The following CNTNAP2 variants were observed in gnomAD, a reference collection of about 807,000 sequenced individuals.
CNTNAP2 encodes the protein contactin associated protein 2.
CNTNAP2 carries 98 observed loss-of-function variants against 155.2 expected under a neutral mutation model. The ratio of observed to expected loss-of-function variants is 0.63; its 90% CI spans 0.54 to 0.75. The LOEUF is 0.75. Ranked by LOEUF, CNTNAP2 falls within the 30% of genes least tolerant of loss-of-function variation. The pLI is 0.00. For missense variants in CNTNAP2, 1,727 were observed against 1,688.1 expected (o/e 1.02, Z -0.40); for synonymous variants, 651 against 631.2 (o/e 1.03, Z -0.47).
chr7:147,459,222 T>C (rs1284814938), intron 10 of CNTNAP2, among the ~76,000 whole-genome samples: 1 of 152,188 alleles, frequency 6.6e-6, no homozygotes. Flanking sequence ...TATTTGCATT[T>C]GGTTAGTGGG....
At chr7:147,876,163 CGTGA>C (rs553378718) in intron 13 of CNTNAP2, among the ~76,000 whole-genome samples, 8 of 152,292 alleles carry the variant, frequency 5.3e-5, no homozygotes, top group Non-Finnish European at 1.2e-4. Context: ...CCTTCGAATG[CGTGA>C]GTGTCTCTCC....
At chr7:147,916,226 G>A (rs2116771888) in intron 14 of CNTNAP2, among the ~76,000 whole-genome samples, 1 of 152,230 alleles carries the variant, frequency 6.6e-6, no homozygotes, top group Middle Eastern at 3.4e-3. Context: ...GTCTCTCCCA[G>A]TTCCCCAAAG....
intron 1 of CNTNAP2, among the ~76,000 whole-genome samples, chr7:146,596,561 C>A (rs1255442218): frequency 1.4e-5 from 2 of 148,104 alleles, no homozygotes; most frequent in African/African-American, 2.5e-5. Context: ...ATTCACCCCC[C>A]CAGCCTCCAA....
intron 1 of CNTNAP2, among the ~76,000 whole-genome samples, chr7:146,301,447 AC>A (rs756689225): frequency 6.6e-6 from 1 of 151,608 alleles, no homozygotes; most frequent in African/African-American, 2.4e-5. Flanking sequence ...ACATGGTGAA[AC>A]CCCATCTCTA....
Position 147,806,764 on chromosome 7 carries a change from CA to C in CNTNAP2, c.2099-96800del, listed in dbSNP as rs546197247. 2.1e-4 allele frequency among the ~76,000 whole-genome samples: 32 copies of C among 152,208 alleles called. No individual in the cohort carries two copies. In the South Asian group the frequency reaches 6.4e-3, roughly 31 times the overall value. On this transcript the variant is annotated intron_variant, in intron 13 of 23. Transcript: ENST00000361727. ...GCCAGGCACCAAAAGGCAAATATTG[CA>C]TATTCTCACTCATGAGTGGGAGCTA...
chr7:146,134,909 A>G (rs1166230621), intron 1 of CNTNAP2, among the ~76,000 whole-genome samples: 1 of 151,512 alleles, frequency 6.6e-6, no homozygotes, highest in Non-Finnish European at 1.5e-5. Context: ...TTGGTATCAG[A>G]ATGATGCTGG....
At chr7:148,000,923 AC>A (rs1267540450) in intron 15 of CNTNAP2, among the ~76,000 whole-genome samples, 1 of 152,108 alleles carries the variant, frequency 6.6e-6, no homozygotes, top group African/African-American at 2.4e-5. Context: ...CCCCTTCTTG[AC>A]TTTTCCAGAT....
chr7:147,038,343 G>GCAGT (rs2129252931), intron 3 of CNTNAP2, among the ~76,000 whole-genome samples: 1 of 152,258 alleles, frequency 6.6e-6, no homozygotes, highest in Non-Finnish European at 1.5e-5. Flanking sequence ...AATCTCAAAT[G>GCAGT]CAGTATATCT....
intron 13 of CNTNAP2, among the ~76,000 whole-genome samples, chr7:147,839,939 T>C (rs199580403): frequency 9.6e-4 from 144 of 149,854 alleles, no homozygotes; most frequent in African/African-American, 3.2e-3. Context: ...TATATATGTA[T>C]ACACACACAC....
chr7:146,732,118 T>A (rs1050606409), intron 1 of CNTNAP2, among the ~76,000 whole-genome samples: 1 of 152,108 alleles, frequency 6.6e-6, no homozygotes, highest in Non-Finnish European at 1.5e-5. Flanking sequence ...CTTATACACA[T>A]TTAACATCAG....
At chr7:147,456,366 T>A (rs887089293) in intron 10 of CNTNAP2, among the ~76,000 whole-genome samples, 3 of 152,152 alleles carry the variant, frequency 2.0e-5, no homozygotes, top group African/African-American at 4.8e-5. Context: ...ACAACTAGTA[T>A]ATAGAAAGAG....
intron 3 of CNTNAP2, among the ~76,000 whole-genome samples, chr7:146,958,060 A>G (rs1563020620): frequency 1.3e-5 from 2 of 152,166 alleles, no homozygotes; most frequent in African/African-American, 4.8e-5. Context: ...GAAATTGTCT[A>G]TTCATTTGGT....
intron 1 of CNTNAP2, among the ~76,000 whole-genome samples, chr7:146,203,798 T>TGGAA (rs1798903933): frequency 1.3e-5 from 2 of 152,058 alleles, no homozygotes; most frequent in African/African-American, 4.8e-5. Context: ...ACAGAATTTA[T>TGGAA]TACTTTGAAG....
At chr7:147,326,900 C>A (rs183579086) in intron 9 of CNTNAP2, among the ~76,000 whole-genome samples, 1 of 152,176 alleles carries the variant, frequency 6.6e-6, no homozygotes, top group Non-Finnish European at 1.5e-5. Flanking sequence ...GTATGTCTGT[C>A]TTATTTACCA....
intron 4 of CNTNAP2, among the ~76,000 whole-genome samples, chr7:147,069,805 C>A (rs1799854590): frequency 6.6e-6 from 1 of 152,162 alleles, no homozygotes; most frequent in South Asian, 2.1e-4. Context: ...TCCACTTCTG[C>A]TTTGTTCAAT....
At chr7:146,496,909 A>G (rs1256209498) in intron 1 of CNTNAP2, among the ~76,000 whole-genome samples, 1 of 152,206 alleles carries the variant, frequency 6.6e-6, no homozygotes, top group South Asian at 2.1e-4. Flanking sequence ...TCAGTTCTTG[A>G]GTTATAGTTA....
At chr7:146,994,927 A>G (rs933239872) in intron 3 of CNTNAP2, among the ~76,000 whole-genome samples, 7 of 152,200 alleles carry the variant, frequency 4.6e-5, no homozygotes, top group African/African-American at 1.4e-4. Flanking sequence ...CATACTATAC[A>G]ATAGATCTCT....
intron 10 of CNTNAP2, among the ~76,000 whole-genome samples, chr7:147,459,961 G>A (rs1049149652): frequency 2.0e-5 from 3 of 152,064 alleles, no homozygotes; most frequent in Non-Finnish European, 2.9e-5. Flanking sequence ...ATGGACACAG[G>A]GAGGGGAACA....
intron 2 of CNTNAP2, among the ~76,000 whole-genome samples, chr7:146,800,476 TG>T (rs1802854666): frequency 6.6e-6 from 1 of 152,240 alleles, no homozygotes; most frequent in African/African-American, 2.4e-5. Context: ...TTCTTTCTGT[TG>T]GGCATTTAAG....
Sources: gnomAD v4.1 joint callset for allele counts (sites outside exome capture counted in the v4.1 genomes callset) on GRCh38, gnomAD v4.1.1 for gene constraint, MANE v1.5 for transcripts, NCBI Gene and HGNC (gene_info 2026-07-23, HGNC 2026-07-21) for gene names.